The following AXDND1 variants were observed in gnomAD, a reference collection of about 807,000 sequenced individuals.
AXDND1 encodes the protein axonemal dynein light chain domain containing 1.
In AXDND1, 110 loss-of-function variants were observed where a neutral mutation model predicts 137.5. The observed-to-expected ratio is 0.80, with a 90% CI of 0.69 to 0.94. The LOEUF is 0.94. Ranked by LOEUF, AXDND1 falls within the 40% of genes least tolerant of loss-of-function variation. The pLI is 0.00. For synonymous variants in AXDND1, 414 were observed against 399.7 expected, an observed-to-expected ratio of 1.04 and a Z score of -0.43; for missense variants, 1,191 against 1,169.8, an observed-to-expected ratio of 1.02 and a Z score of -0.26.
intron 20 of AXDND1, among the ~76,000 whole-genome samples, chr1:179,496,868 C>T (rs1398658932): frequency 6.6e-6 from 1 of 152,024 alleles, no homozygotes. Context: ...GTTTTAGCTG[C>T]ATCTCACAGA....
rs1178112943 is a variant in AXDND1 at position 179,369,879 on chromosome 1, T to C, written c.271-96T>C. 1.2e-5 allele frequency: 10 copies of C among 857,486 alleles called. No individual in the cohort carries two copies. In the East Asian group the frequency reaches 2.7e-4, roughly 23 times the overall value. 53.1% of individuals were successfully genotyped at this position (857,486 alleles called of 1,614,324 possible). On this transcript the variant is annotated intron_variant, in intron 3 of 25. Coordinates refer to ENST00000367618, the MANE Select transcript of AXDND1 (RefSeq NM_144696.6). ...TTTTCCTTAGAGTACCCAAGTGCCC[T>C]TAATGTAAATACAGTACTTACTCAA...
Position 179,366,640 on chromosome 1 carries a change from C to A in AXDND1, c.97+34C>A. ...CGTTGATTCTGAAGTCATAAACAGT[C>A]ATGGCCGTAAGACAGAAATCACCTT... is the stretch of plus-strand genomic sequence containing the variant. On this transcript the variant is annotated intron_variant, in intron 2 of 25. Transcript: ENST00000367618. 2.6e-6 allele frequency: 4 copies of A among 1,539,592 alleles called. No homozygotes were observed. In the South Asian group the frequency reaches 3.4e-5, roughly 13 times the overall value.
At chr1:179,509,833 CA>C (rs35670650) in intron 21 of AXDND1, among the ~76,000 whole-genome samples, 46,926 of 151,932 alleles carry the variant, frequency 0.31, 7,771 homozygotes, top group Middle Eastern at 0.42. Flanking sequence ...TCCATTTTAT[CA>C]ATCTAAAAGC....
At chr1:179,486,139 A>AAAAAAACAAATAACT (rs149119239) in intron 18 of AXDND1, among the ~76,000 whole-genome samples, 1 of 87,770 alleles carries the variant, frequency 1.1e-5, no homozygotes, top group Admixed American at 1.7e-4. Context: ...AAAAAAAAAA[A>AAAAAAACAAATAACT]AACCTGATAG....
chr1:179,539,051 C>T (rs61827689), intron 25 of AXDND1, among the ~76,000 whole-genome samples: 1 of 152,166 alleles, frequency 6.6e-6, no homozygotes, highest in Admixed American at 6.5e-5. Context: ...GGTAGATCTT[C>T]CTTCATCCCT....
At position 179,551,460 on chromosome 1, in the gene AXDND1, C is replaced by T. The variant is rs761497202; in HGVS notation, c.3032-3052C>T. 5.0e-6 allele frequency: 8 copies of T among 1,612,634 alleles called. No individual in the cohort carries two copies. The African/African-American group carries it at 6.7e-5, about 13-fold the overall frequency. On this transcript the variant is annotated intron_variant, in intron 25 of 25. Transcript: ENST00000367618. ...GCTTCTGCAGCAATCATCTAGAAAA[C>T]ATGTGACGAAAGCAAAGTGATTGTT...
In AXDND1 at chr1:179,492,842, C is replaced by T. The variant is rs76944438; in HGVS notation, c.2292-13C>T. The stretch of plus-strand genomic sequence containing the variant: ...TGCTCTTTTTCTTTTTCTTTTTTTC[C>T]CCCTTTTTGCAGTTGTTGCAAAGGG... On this transcript the variant is annotated splice_polypyrimidine_tract_variant and intron_variant, in intron 19 of 25. Coordinates refer to ENST00000367618, the MANE Select transcript of AXDND1 (RefSeq NM_144696.6). 0.022 allele frequency: 34,573 copies of T among 1,557,326 alleles called. 552 individuals are homozygous for T. Among genetic ancestry groups the T allele is most frequent in the Middle Eastern group, 0.074 (430 of 5,818 alleles).
intron 11 of AXDND1, among the ~76,000 whole-genome samples, chr1:179,403,667 G>A (rs1652464073): frequency 6.6e-6 from 1 of 152,164 alleles, no homozygotes; most frequent in African/African-American, 2.4e-5. Context: ...TCCGCCTCCT[G>A]AATTCAAGTG....
At chr1:179,371,972 C>T (rs1668081103) in intron 4 of AXDND1, among the ~76,000 whole-genome samples, 1 of 152,172 alleles carries the variant, frequency 6.6e-6, no homozygotes. Flanking sequence ...GAAAGAAACA[C>T]AGTCCTGCCA....
Position 179,395,086 on chromosome 1 carries a change from G to C in AXDND1, c.1005-12G>C. 1 of 1,580,632 alleles carries C rather than the reference G, an allele frequency of 6.3e-7. No individual in the cohort carries two copies. The highest frequency in any genetic ancestry group is 2.2e-5 in the East Asian group (1 of 44,634). On this transcript the variant is annotated splice_polypyrimidine_tract_variant and intron_variant, in intron 10 of 25. Coordinates refer to ENST00000367618, the MANE Select transcript of AXDND1 (RefSeq NM_144696.6). ...CCAAATATGAATTAAAAATTTCTTT[G>C]CTTTATTTCAGGGAACTGTGTCTAG...
At chr1:179,396,716 G>C (rs138408050) in intron 11 of AXDND1, among the ~76,000 whole-genome samples, 5 of 151,614 alleles carry the variant, frequency 3.3e-5, no homozygotes, top group African/African-American at 1.2e-4. Flanking sequence ...TTCTCGTTAT[G>C]ATGCATATAG....
chr1:179,475,921 G>A (rs1664565628), intron 17 of AXDND1, among the ~76,000 whole-genome samples: 1 of 152,280 alleles, frequency 6.6e-6, no homozygotes, highest in African/African-American at 2.4e-5. Flanking sequence ...TTGGATCATG[G>A]GGGCTGTTTC....
rs138188013 is a variant in AXDND1 at position 179,449,456 on chromosome 1, T to G, written c.1798+4252T>G. 64 of 160,654 alleles carry G rather than the reference T, an allele frequency of 4.0e-4. 2 individuals are homozygous for G. In the East Asian group the frequency reaches 0.011, roughly 28 times the overall value. The allele number at this position is 160,654 out of a possible 1,614,324, so 10.0% of individuals were successfully genotyped here. On this transcript the variant is annotated intron_variant, in intron 16 of 25. Coordinates refer to ENST00000367618, the MANE Select transcript of AXDND1 (RefSeq NM_144696.6). ...AAGTTTCAAAATCGAGAAGTATGAG[T>G]CCTCCTACTTTATTCTTTTTCATGA...
chr1:179,375,252 C>T (rs1226197438), intron 4 of AXDND1, among the ~76,000 whole-genome samples: 1 of 151,686 alleles, frequency 6.6e-6, no homozygotes, highest in African/African-American at 2.4e-5. Flanking sequence ...GTGCCTGCCA[C>T]CACATCTGGC....
rs1571968846 is a variant in AXDND1 at position 179,468,560 on chromosome 1, T to G, written c.1916T>G (p.Ile639Ser). 2 of 1,612,852 alleles carry G rather than the reference T, an allele frequency of 1.2e-6. No individual in the cohort carries two copies. The highest frequency in any genetic ancestry group is 1.7e-6 in the Non-Finnish European group (2 of 1,179,430). ...GAATGGCAGGAAATAGATGAAAAAA[T>G]TAATGAAATGAAATCACACTTGGAT... ...LEEWQEIDEK[I>S]NEMKSHLDIL... The change falls in exon 17 of 26, where the codon ATT becomes AGT. Residue 639 changes from isoleucine to serine, a missense_variant. Transcript: ENST00000367618.
chr1:179,510,657 A>T (rs1668954618), intron 21 of AXDND1, among the ~76,000 whole-genome samples: 1 of 152,196 alleles, frequency 6.6e-6, no homozygotes, highest in African/African-American at 2.4e-5. Context: ...CTAGGAAAAA[A>T]TCAAGGAACT....
At chr1:179,488,636 TTTCTTTCTTTCTTTC>T (rs754574550) in intron 18 of AXDND1, among the ~76,000 whole-genome samples, 1,497 of 45,638 alleles carry the variant, frequency 0.033, 126 homozygotes, top group Middle Eastern at 0.16. Context: ...CTCTCTCTCC[TTTCTTTCTTTCTTTC>T]TTTCTTTCTT....
chr1:179,426,500 T>C (rs1442508813), intron 12 of AXDND1, among the ~76,000 whole-genome samples: 1 of 152,234 alleles, frequency 6.6e-6, no homozygotes, highest in East Asian at 1.9e-4. Flanking sequence ...GATGGGCATA[T>C]ATATTGATAT....
intron 12 of AXDND1, among the ~76,000 whole-genome samples, chr1:179,418,978 G>C (rs1472553568): frequency 6.6e-6 from 1 of 151,908 alleles, no homozygotes; most frequent in African/African-American, 2.4e-5. Context: ...CATCCCAGAC[G>C]AGGCGGCGGG....
Sources: allele counts gnomAD v4.1 joint callset (sites outside exome capture counted in the v4.1 genomes callset), GRCh38; gene constraint gnomAD v4.1.1; transcripts MANE v1.5; gene names NCBI Gene and HGNC (gene_info 2026-07-23, HGNC 2026-07-21).